The following NCOR1 variants were observed in gnomAD, a reference collection of about 807,000 sequenced individuals.
NCOR1 encodes nuclear receptor corepressor 1.
Under a neutral mutation model 288.1 loss-of-function variants are expected in NCOR1, and 63 were observed. The observed-to-expected ratio is 0.22, with a 90% CI of 0.18 to 0.27. NCOR1 has a LOEUF of 0.27. NCOR1 is among the 10% of genes least tolerant of loss of function. The pLI is 1.00. For synonymous variants in NCOR1, 1,007 were observed against 1,065.9 expected, an observed-to-expected ratio of 0.94 and a Z score of 1.08; for missense variants, 2,397 against 3,019.2, an observed-to-expected ratio of 0.79 and a Z score of 4.83.
chr17:16,030,577 A>G lies in NCOR1; in HGVS notation c.*1719T>C, dbSNP rs1040192334. ...CATTTTGAAATTTTTATATGTTTAC[A>G]TATATCTGTTGTAAAAAATACCAAC... On this transcript the variant is annotated 3_prime_UTR_variant, in exon 46 of 46. Transcript: ENST00000268712. The G allele has an allele frequency of 5.4e-6, 1 of 185,702 alleles. No homozygotes were observed. The highest frequency in any genetic ancestry group is 2.3e-5 in the African/African-American group (1 of 42,618). The allele number at this position is 185,702 out of a possible 1,614,324, so 11.5% of individuals were successfully genotyped here. A position where few individuals can be genotyped will look rare whatever the true frequency, so the allele number is the denominator to read the frequency against.
intron 10 of NCOR1, among the ~76,000 whole-genome samples, chr17:16,145,044 T>C (rs1225584388): frequency 6.6e-6 from 1 of 152,208 alleles, no homozygotes; most frequent in Non-Finnish European, 1.5e-5. Context: ...GGATTGCAGG[T>C]GCACGCCACC....
intron 21 of NCOR1, among the ~76,000 whole-genome samples, chr17:16,097,040 T>C (rs1032261521): frequency 6.6e-6 from 1 of 152,268 alleles, no homozygotes; most frequent in Non-Finnish European, 1.5e-5. Context: ...AAATACTGTA[T>C]GATTTCATTT....
In NCOR1 at chr17:16,158,509, G is replaced by A. The variant is rs116871669; in HGVS notation, c.732+251C>T. 6.6e-4 allele frequency among the ~76,000 whole-genome samples: 100 copies of A among 152,104 alleles called. No homozygotes were observed. The East Asian group carries it at 0.019, about 29-fold the overall frequency. On this transcript the variant is annotated intron_variant, in intron 6 of 45. Transcript: ENST00000268712. The stretch of plus-strand genomic sequence containing the variant: ...GAGACTCAGCTGACAAAATTTCACT[G>A]ATTAAATATTTATAAAATACATAAT...
rs2060559889 is a variant in NCOR1, at chr17:16,061,686, G to C, written c.5596C>G (p.Leu1866Val). Residue 1866 changes from leucine to valine, a missense_variant, in exon 37 of 46, where the codon CTA becomes GTA. Physicochemically the swap from Leu to Val is conservative, Grantham distance 32. This residue lies in a region of NCOR1 where 1,872 missense variants were observed against 2,187.8 expected (regional missense o/e 0.86). Transcript: ENST00000268712. Reference protein sequence around the residue: ...RSAAVSEQQQLEQKTLEVEKR... With the variant: ...RSAAVSEQQQVEQKTLEVEKR... Reference sequence around the variant, plus strand: ...TCCACCTCCAGGGTTTTCTGCTCTAGCTGCTGCTGTTCACTAACTGCTGCT... The same window carrying C: ...TCCACCTCCAGGGTTTTCTGCTCTACCTGCTGCTGTTCACTAACTGCTGCT... 6 of 1,614,102 alleles carry C rather than the reference G, an allele frequency of 3.7e-6. No individual in the cohort carries two copies. The highest frequency in any genetic ancestry group is 5.1e-6 in the Non-Finnish European group (6 of 1,180,046).
At chr17:16,168,325 C>T (rs73280292) in intron 4 of NCOR1, among the ~76,000 whole-genome samples, 6 of 152,174 alleles carry the variant, frequency 3.9e-5, no homozygotes, top group East Asian at 1.9e-4. Context: ...CTCAGCCTCC[C>T]GAGTAGCTGG....
At chr17:16,045,808 T>C (rs2058555797) in intron 42 of NCOR1, among the ~76,000 whole-genome samples, 1 of 150,094 alleles carries the variant, frequency 6.7e-6, no homozygotes, top group African/African-American at 2.5e-5. Flanking sequence ...ACCCAGACAA[T>C]TTAAAAAAAA....
Position 16,062,093 on chromosome 17 carries a change from CAA to C in NCOR1, c.5387+10_5387+11del, listed in dbSNP as rs748093128. On this transcript the variant is annotated intron_variant, in intron 36 of 45. Coordinates refer to ENST00000268712, the MANE Select transcript of NCOR1 (RefSeq NM_006311.4). The stretch of plus-strand genomic sequence containing the variant: ...GAGACATTTTTTGTCAAAATATGTA[CAA>C]GAGACTGACATGATTCGTAGCTGAG... The C allele has an allele frequency of 5.6e-6, 9 of 1,609,690 alleles. No homozygotes were observed. The African/African-American group carries it at 9.4e-5, about 17-fold the overall frequency.
chr17:16,114,143 C>CAAA (rs71353770), intron 18 of NCOR1, among the ~76,000 whole-genome samples: 2 of 17,728 alleles, frequency 1.1e-4, no homozygotes, highest in Admixed American at 5.7e-4. Flanking sequence ...TGGCGGCAGG[C>CAAA]AAAAAAAAAA....
chr17:16,064,074 G>A lies in NCOR1; in HGVS notation c.5215C>T (p.Arg1739Trp), dbSNP rs776176516. The A allele has an allele frequency of 9.3e-6, 15 of 1,613,964 alleles. No homozygotes were observed. The highest frequency in any genetic ancestry group is 2.7e-5 in the African/African-American group (2 of 75,018). ...IAAASSDLYL[R>W]PGSEQPGRPG... Reference sequence around the variant, plus strand: ...AGCAGTGCCTTTCACTGACCTGGCCGCAGGTAGAGGTCGGAGGAAGCTGCA... The same window carrying A: ...AGCAGTGCCTTTCACTGACCTGGCCACAGGTAGAGGTCGGAGGAAGCTGCA... The change falls in exon 35 of 46, where the codon CGG becomes TGG. Residue 1739 changes from arginine (R) to tryptophan (W), a missense_variant. Physicochemically the swap from Arg to Trp is moderately radical, Grantham distance 101 (BLOSUM62 -3). This residue lies in a region of NCOR1 where 1,872 missense variants were observed against 2,187.8 expected (regional missense o/e 0.86). Coordinates refer to ENST00000268712, the MANE Select transcript of NCOR1 (RefSeq NM_006311.4).
chr17:16,040,877 A>G (rs983000028), intron 42 of NCOR1: 3 of 189,588 alleles, frequency 1.6e-5, no homozygotes, highest in East Asian at 1.5e-4. Context: ...TTTACCAAAA[A>G]TAAATAAATA....
chr17:16,147,700 T>C (rs541621893), intron 9 of NCOR1, among the ~76,000 whole-genome samples: 13 of 152,334 alleles, frequency 8.5e-5, no homozygotes, highest in African/African-American at 2.9e-4. Context: ...CTCCTATATG[T>C]CTTCTGTGTC....
chr17:16,089,939 C>A (rs1020763532), intron 22 of NCOR1, among the ~76,000 whole-genome samples: 2 of 152,044 alleles, frequency 1.3e-5, no homozygotes, highest in African/African-American at 4.8e-5. Flanking sequence ...TAGAGCATCA[C>A]CTTCGACCAA....
intron 3 of NCOR1, among the ~76,000 whole-genome samples, chr17:16,179,071 C>A (rs1411945882): frequency 6.6e-6 from 1 of 152,034 alleles, no homozygotes; most frequent in Admixed American, 6.6e-5. Context: ...TCACTGCACC[C>A]CAGCCTGTGC....
chr17:16,205,728 G>C (rs1013807251), intron 1 of NCOR1, among the ~76,000 whole-genome samples: 6 of 150,682 alleles, frequency 4.0e-5, no homozygotes, highest in Non-Finnish European at 8.9e-5. Flanking sequence ...ACCTGAGGTC[G>C]AGAGTTCGAG....
At chr17:16,124,734 C>G (rs994854292) in intron 15 of NCOR1, among the ~76,000 whole-genome samples, 1 of 152,108 alleles carries the variant, frequency 6.6e-6, no homozygotes, top group African/African-American at 2.4e-5. Context: ...ACTAAGAAAA[C>G]AGCAGTAACA....
At chr17:16,097,193 ATT>A (rs2066792119) in intron 21 of NCOR1, among the ~76,000 whole-genome samples, 3 of 152,332 alleles carry the variant, frequency 2.0e-5, no homozygotes, top group South Asian at 4.1e-4. Flanking sequence ...GGGCCTCTAG[ATT>A]GCCTCAGGAT....
intron 22 of NCOR1, chr17:16,091,459 C>G: frequency 1.5e-6 from 1 of 680,784 alleles, no homozygotes; most frequent in Non-Finnish European, 1.9e-6. Flanking sequence ...GAAATATCCA[C>G]TACACAAAGT....
rs1010876832 is a variant in NCOR1, at chr17:16,098,614, C to A, written c.2691-118G>T. 1.6e-5 allele frequency: 13 copies of A among 801,562 alleles called. 1 individual carries two copies. The South Asian group carries it at 2.4e-4, about 15-fold the overall frequency. 49.7% of individuals were successfully genotyped at this position (801,562 alleles called of 1,614,324 possible). A position where few individuals can be genotyped will look rare whatever the true frequency, so the allele number is the denominator to read the frequency against. On this transcript the variant is annotated intron_variant, in intron 20 of 45. Coordinates refer to ENST00000268712, the MANE Select transcript of NCOR1 (RefSeq NM_006311.4). The stretch of plus-strand genomic sequence containing the variant: ...ACACATGCACACATGGACACATGGA[C>A]ACACATATATTAACCCATATAAAAT...
chr17:16,160,601 G>A (rs1393759572), intron 5 of NCOR1, among the ~76,000 whole-genome samples: 1 of 152,166 alleles, frequency 6.6e-6, no homozygotes, highest in African/African-American at 2.4e-5. Flanking sequence ...GACCAGCCTA[G>A]CCAACATGGT....
Sources: gnomAD v4.1 joint callset for allele counts (sites outside exome capture counted in the v4.1 genomes callset) on GRCh38, gnomAD v4.1.1 for gene constraint, gnomAD v4.1.1 regional missense constraint, MANE v1.5 for transcripts, NCBI Gene and HGNC (gene_info 2026-07-23, HGNC 2026-07-21) for gene names.